Variants in GRK3 observed in about 807,000 individuals in gnomAD.
GRK3 encodes the protein adrenergic, beta, receptor kinase 2.
Under a neutral mutation model 95.7 loss-of-function variants are expected in GRK3, and 54 were observed. The observed-to-expected ratio is 0.56, with a 90% CI of 0.45 to 0.71. GRK3 has a LOEUF of 0.71. Ranked by LOEUF, GRK3 falls within the 30% of genes least tolerant of loss-of-function variation. The pLI is 0.00. For synonymous variants in GRK3, 281 were observed against 290.8 expected (o/e 0.97, Z 0.34); for missense variants, 649 against 851.2 (o/e 0.76, Z 2.96).
intron 2 of GRK3, among the ~76,000 whole-genome samples, chr22:25,622,034 C>CT (rs1223820302): frequency 1.3e-5 from 2 of 151,938 alleles, no homozygotes; most frequent in Admixed American, 1.3e-4. Flanking sequence ...CATCCTTTGC[C>CT]TTTTTTTTCT....
At chr22:25,661,279 C>T (rs1030399893) in intron 3 of GRK3, among the ~76,000 whole-genome samples, 7 of 152,068 alleles carry the variant, frequency 4.6e-5, no homozygotes, top group East Asian at 1.9e-4. Flanking sequence ...GTCTATGGCT[C>T]GTGTATTGTA....
At position 25,673,003 on chromosome 22, in the gene GRK3, C is replaced by T. The variant is rs985824649; in HGVS notation, c.555+656C>T. ...GCTTGCAATTGGGCAAAACAATCAA[C>T]CGGAATTTTTTTTTTTTTTTTTTTT... is the stretch of plus-strand genomic sequence containing the variant. On this transcript the variant is annotated intron_variant, in intron 7 of 20. Coordinates refer to ENST00000324198, the MANE Select transcript of GRK3 (RefSeq NM_005160.4). Among the ~76,000 whole-genome samples, 5 of 144,364 alleles carry T rather than the reference C, an allele frequency of 3.5e-5. No homozygotes were observed. In the East Asian group the frequency reaches 6.1e-4, roughly 18 times the overall value. The allele number at this position is 144,364 out of a possible 152,430, so 94.7% of individuals were successfully genotyped here.
intron 8 of GRK3, among the ~76,000 whole-genome samples, chr22:25,677,022 G>GC (rs891011710): frequency 3.3e-5 from 5 of 152,110 alleles, no homozygotes; most frequent in Admixed American, 6.5e-5. Context: ...CTTCCCAGAG[G>GC]CCCGAGGCCT....
At chr22:25,569,502 G>A (rs534536040) in intron 1 of GRK3, among the ~76,000 whole-genome samples, 3 of 152,150 alleles carry the variant, frequency 2.0e-5, no homozygotes, top group East Asian at 1.9e-4. Context: ...GCTTTTACAC[G>A]CAATGGATTC....
At chr22:25,670,496 G>A (rs1178394691) in intron 6 of GRK3, among the ~76,000 whole-genome samples, 3 of 150,814 alleles carry the variant, frequency 2.0e-5, no homozygotes, top group South Asian at 2.1e-4. Flanking sequence ...GTGAGACCCT[G>A]TCTCCAAAAG....
chr22:25,577,100 C>A (rs1401126992), intron 1 of GRK3, among the ~76,000 whole-genome samples: 1 of 152,098 alleles, frequency 6.6e-6, no homozygotes, highest in African/African-American at 2.4e-5. Flanking sequence ...AATTAAAATT[C>A]ATCTCCATGC....
intron 8 of GRK3, among the ~76,000 whole-genome samples, chr22:25,675,811 C>T (rs956608584): frequency 6.6e-6 from 1 of 152,102 alleles, no homozygotes; most frequent in Non-Finnish European, 1.5e-5. Flanking sequence ...TAATTTGTAC[C>T]CATTGGTTGT....
intron 1 of GRK3, among the ~76,000 whole-genome samples, chr22:25,582,767 A>C (rs1215676417): frequency 2.6e-5 from 4 of 152,192 alleles, no homozygotes; most frequent in Non-Finnish European, 5.9e-5. Flanking sequence ...TAAAGCCATA[A>C]TTCCTCCACA....
At chr22:25,598,118 T>A (rs1025573404) in intron 1 of GRK3, among the ~76,000 whole-genome samples, 5 of 152,172 alleles carry the variant, frequency 3.3e-5, no homozygotes, top group African/African-American at 1.2e-4. Context: ...ATTATGAGAT[T>A]TAGAACATGT....
chr22:25,608,955 C>A (rs905372778), intron 2 of GRK3, among the ~76,000 whole-genome samples: 1 of 152,138 alleles, frequency 6.6e-6, no homozygotes, highest in Non-Finnish European at 1.5e-5. Context: ...TGCCACTATT[C>A]AGAATAAAGG....
intron 1 of GRK3, among the ~76,000 whole-genome samples, chr22:25,603,592 A>T (rs1417528392): frequency 6.6e-6 from 1 of 152,112 alleles, no homozygotes; most frequent in African/African-American, 2.4e-5. Context: ...TTGATCCTGT[A>T]TTTTTTGTAT....
intron 19 of GRK3, among the ~76,000 whole-genome samples, chr22:25,719,700 G>GT (rs1366188268): frequency 2.8e-5 from 3 of 106,168 alleles, no homozygotes; most frequent in African/African-American, 1.2e-4. Context: ...TTGGTGGGGT[G>GT]GGGGGGGGGC....
intron 15 of GRK3, 79 bp downstream of exon 15, chr22:25,704,288 A>T: frequency 1.0e-6 from 1 of 995,210 alleles, no homozygotes; most frequent in Non-Finnish European, 1.5e-6. Context: ...ATCAAAAGTC[A>T]TCCCTAGTCA....
chr22:25,600,154 T>G (rs1183442890), intron 1 of GRK3, among the ~76,000 whole-genome samples: 2 of 151,670 alleles, frequency 1.3e-5, no homozygotes, highest in East Asian at 1.9e-4. Flanking sequence ...AGGGTTTTTT[T>G]TTTTTTTTTT....
At chr22:25,652,294 G>A (rs557815918) in intron 3 of GRK3, among the ~76,000 whole-genome samples, 1 of 152,314 alleles carries the variant, frequency 6.6e-6, no homozygotes, top group Admixed American at 6.5e-5. Context: ...AGCCGGGTGT[G>A]GTGGCAGGTG....
At chr22:25,591,345 G>A (rs532407657) in intron 1 of GRK3, among the ~76,000 whole-genome samples, 1 of 152,244 alleles carries the variant, frequency 6.6e-6, no homozygotes, top group Admixed American at 6.5e-5. Flanking sequence ...ATCTCATGAT[G>A]TGTTCACCTG....
intron 2 of GRK3, among the ~76,000 whole-genome samples, chr22:25,614,282 C>T (rs552826218): frequency 1.2e-4 from 18 of 152,170 alleles, no homozygotes; most frequent in South Asian, 4.2e-4. Context: ...CACAGGCATG[C>T]GCCAACATGC....
At chr22:25,590,261 T>G (rs961575889) in intron 1 of GRK3, among the ~76,000 whole-genome samples, 18 of 151,994 alleles carry the variant, frequency 1.2e-4, no homozygotes, top group African/African-American at 4.3e-4. Context: ...GCGAAAAAAA[T>G]GTTCCCTTAA....
At chr22:25,705,330 G>A (rs1454009678) in intron 15 of GRK3, among the ~76,000 whole-genome samples, 8 of 152,096 alleles carry the variant, frequency 5.3e-5, no homozygotes, top group Admixed American at 3.9e-4. Context: ...CAGTATCTGA[G>A]TTGAGGATTT....
Sources: gnomAD v4.1 joint callset for allele counts (sites outside exome capture counted in the v4.1 genomes callset) on GRCh38, gnomAD v4.1.1 for gene constraint, MANE v1.5 for transcripts, NCBI Gene and HGNC (gene_info 2026-07-23, HGNC 2026-07-21) for gene names.